Variants in DYNLT3 observed in about 807,000 individuals in gnomAD.
DYNLT3 encodes dynein light chain Tctex-type 3, also known as protein 91/23.
Under a neutral mutation model 11.0 loss-of-function variants are expected in DYNLT3, and 4 were observed. That is an observed-to-expected ratio of 0.36 (90% CI 0.18 to 0.83). The LOEUF (loss-of-function observed/expected upper bound fraction) is 0.83. Among genes scored for constraint, DYNLT3 ranks in the 40% least tolerant of loss-of-function variants. The pLI, the probability that DYNLT3 is intolerant of heterozygous loss-of-function variation, is 0.47. For missense variants in DYNLT3, 91 were observed against 91.1 expected (o/e 1.00, Z 0.01); for synonymous variants, 37 against 31.2 (o/e 1.18, Z -0.61).
In DYNLT3 at chrX:37,841,334, A is replaced by G. The variant is rs190546189; in HGVS notation, c.197-229T>C. Among the ~76,000 whole-genome samples the G allele has an allele frequency of 3.0e-3, 333 of 112,472 alleles. 2 individuals carry two copies. The highest frequency in any genetic ancestry group is 9.7e-3 in the African/African-American group (301 of 30,989). ...CCCACTGGATTCAGTTGGTTTTCTGACCATTGTCATTACCATTGGTGATTG... is the reference window on the plus strand; with the variant it reads ...CCCACTGGATTCAGTTGGTTTTCTGGCCATTGTCATTACCATTGGTGATTG... On this transcript the variant is annotated intron_variant, in intron 3 of 4. Coordinates refer to ENST00000378578, the MANE Select transcript of DYNLT3 (RefSeq NM_006520.3).
chrX:37,845,729 T>A (rs1272381246), intron 2 of DYNLT3, among the ~76,000 whole-genome samples: 3 of 112,790 alleles, frequency 2.7e-5, no homozygotes, highest in African/African-American at 6.4e-5. Context: ...AAAGTTATTT[T>A]ATCCAAAAGA....
At chrX:37,845,707 C>T (rs1415140773) in intron 2 of DYNLT3, among the ~76,000 whole-genome samples, 1 of 112,221 alleles carries the variant, frequency 8.9e-6, no homozygotes, top group Admixed American at 9.5e-5. Context: ...ATAATGTTTG[C>T]TTTCTGGAAT....
At chrX:37,840,977 T>A (rs762040898) in intron 4 of DYNLT3, 51 bp downstream of exon 4, 2 of 1,158,649 alleles carry the variant, frequency 1.7e-6, no homozygotes, top group Non-Finnish European at 2.4e-6. Context: ...AAAGTGCAGT[T>A]TGACTTTGCT....
At chrX:37,844,905 A>G (rs1930238070) in intron 2 of DYNLT3, among the ~76,000 whole-genome samples, 1 of 112,558 alleles carries the variant, frequency 8.9e-6, no homozygotes, top group Non-Finnish European at 1.9e-5. Flanking sequence ...ACAAGGTACA[A>G]TCATCAAACT....
Position 37,847,529 on chromosome X carries a change from T to A in DYNLT3, c.-19A>T. 1 of 969,061 alleles carries A rather than the reference T, an allele frequency of 1.0e-6. No individual in the cohort carries two copies. 79.9% of individuals were successfully genotyped at this position (969,061 alleles called of 1,213,427 possible). A position where few individuals can be genotyped will look rare whatever the true frequency, so the allele number is the denominator to read the frequency against. On this transcript the variant is annotated 5_prime_UTR_variant, in exon 1 of 5. Coordinates refer to ENST00000378578, the MANE Select transcript of DYNLT3 (RefSeq NM_006520.3). ...CCTCCATGGTAGCGCCGGCTCTCCC[T>A]GGGGCGGAGCGACACGCCGGTAGAG... is the stretch of plus-strand genomic sequence containing the variant.
chrX:37,846,994 G>T (rs1374583496), intron 1 of DYNLT3: 24 of 1,163,537 alleles, frequency 2.1e-5, no homozygotes, highest in Non-Finnish European at 2.8e-5. Flanking sequence ...AGTAAGCAAG[G>T]GCTCGTAATC....
chrX:37,844,672 C>T (rs1194775187), intron 2 of DYNLT3, among the ~76,000 whole-genome samples: 1 of 112,293 alleles, frequency 8.9e-6, no homozygotes, highest in Non-Finnish European at 1.9e-5. Flanking sequence ...AGTTATTCCT[C>T]CCCATGGAGG....
intron 2 of DYNLT3, among the ~76,000 whole-genome samples, chrX:37,845,821 A>G (rs1232689500): frequency 1.8e-5 from 2 of 112,746 alleles, no homozygotes; most frequent in African/African-American, 6.4e-5. Context: ...AGATGCTGAT[A>G]GCACACAACA....
rs1473526155 is a variant in DYNLT3 at position 37,839,688 on chromosome X, T to C, written c.*887A>G. The stretch of plus-strand genomic sequence containing the variant: ...CATATGTGTAACCAGATTCACTTTT[T>C]TCCTCCCTTGTAAAACAACTACTTT... On this transcript the variant is annotated 3_prime_UTR_variant, in exon 5 of 5. Coordinates refer to ENST00000378578, the MANE Select transcript of DYNLT3 (RefSeq NM_006520.3). The C allele has an allele frequency of 8.9e-6, 1 of 112,770 alleles. No individual in the cohort carries two copies. Among genetic ancestry groups the C allele is most frequent in the East Asian group, 2.8e-4 (1 of 3,628 alleles). The allele number at this position is 112,770 out of a possible 1,213,427, so 9.3% of individuals were successfully genotyped here.
At chrX:37,841,945 T>C in intron 2 of DYNLT3, 40 bp from the exon 3 acceptor site, 1 of 1,052,698 alleles carries the variant, frequency 9.5e-7, no homozygotes, top group East Asian at 3.3e-5. Context: ...GTCAGTAAAA[T>C]TGTTCAAAAA....
chrX:37,845,664 G>A, intron 2 of DYNLT3, among the ~76,000 whole-genome samples: 1 of 111,839 alleles, frequency 8.9e-6, no homozygotes, highest in Middle Eastern at 4.6e-3. Context: ...ACATATATAT[G>A]CGTACATATA....
At chrX:37,847,055 T>A in intron 1 of DYNLT3, 1 of 1,166,534 alleles carries the variant, frequency 8.6e-7, no homozygotes, top group African/African-American at 1.8e-5. Context: ...GGAGCGGGAA[T>A]GGCAGTGCCA....
rs1042785693 is a variant in DYNLT3 at position 37,840,763 on chromosome X, C to A, written c.275-112G>T. On this transcript the variant is annotated intron_variant, in intron 4 of 4. Transcript: ENST00000378578. ...ACACACACACATATACACACACACA[C>A]ACACACACACACACACACACACACA... is the stretch of plus-strand genomic sequence containing the variant. 1.3e-3 allele frequency: 241 copies of A among 184,270 alleles called. 1 individual carries two copies. The African/African-American group carries it at 0.018, about 14-fold the overall frequency. The allele number at this position is 184,270 out of a possible 1,213,427, so 15.2% of individuals were successfully genotyped here.
rs138578999 is a variant in DYNLT3 at position 37,845,289 on chromosome X, T to C, written c.72+1028A>G. ...GGCAGGATTTTCAGGTGCCTGTCTATTCCTCTCAGACCTTGAGTTAATTCT... is the reference window on the plus strand; with the variant it reads ...GGCAGGATTTTCAGGTGCCTGTCTACTCCTCTCAGACCTTGAGTTAATTCT... On this transcript the variant is annotated intron_variant, in intron 2 of 4. Transcript: ENST00000378578. Among the ~76,000 whole-genome samples, 745 of 112,508 alleles carry C rather than the reference T, an allele frequency of 6.6e-3. 4 individuals carry two copies. The highest frequency in any genetic ancestry group is 0.023 in the African/African-American group (712 of 30,970).
chrX:37,841,188 A>G (rs1188334004), intron 3 of DYNLT3, 83 bp from the exon 4 acceptor site: 7 of 789,394 alleles, frequency 8.9e-6, no homozygotes, highest in Non-Finnish European at 1.2e-5. Flanking sequence ...TCAGAGCTCT[A>G]CAAGCCGAAA....
At chrX:37,840,981 C>T (rs765497272) in intron 4 of DYNLT3, 47 bp downstream of exon 4, 255 of 1,170,395 alleles carry the variant, frequency 2.2e-4, no homozygotes, top group Non-Finnish European at 2.7e-4. Flanking sequence ...TGCAGTTTGA[C>T]TTTGCTAAAA....
chrX:37,842,127 T>C (rs1238566498), intron 2 of DYNLT3, among the ~76,000 whole-genome samples: 1 of 111,794 alleles, frequency 8.9e-6, no homozygotes, highest in Non-Finnish European at 1.9e-5. Flanking sequence ...CTCTATGAGA[T>C]ACTATGGGCC....
chrX:37,840,380 A>G lies in DYNLT3; in HGVS notation c.*195T>C, dbSNP rs1341003818. The G allele has an allele frequency of 3.4e-6, 1 of 294,770 alleles. No individual in the cohort carries two copies. Among genetic ancestry groups the G allele is most frequent in the African/African-American group, 2.8e-5 (1 of 36,005 alleles). 24.3% of individuals were successfully genotyped at this position (294,770 alleles called of 1,213,427 possible). ...GCATTAAATTTTTCCTATTTAAACG[A>G]TGCTGTATAGAATATGAGCTAATCT... is the stretch of plus-strand genomic sequence containing the variant. On this transcript the variant is annotated 3_prime_UTR_variant, in exon 5 of 5. Transcript: ENST00000378578.
intron 1 of DYNLT3, chrX:37,846,947 T>C: frequency 9.0e-7 from 1 of 1,114,787 alleles, no homozygotes; most frequent in Non-Finnish European, 1.2e-6. Context: ...ACAACTGACA[T>C]CATGGGTTTC....
Sources: gnomAD v4.1 joint callset for allele counts (sites outside exome capture counted in the v4.1 genomes callset) on GRCh38, gnomAD v4.1.1 for gene constraint, MANE v1.5 for transcripts, NCBI Gene and HGNC (gene_info 2026-07-23, HGNC 2026-07-21) for gene names.